DACH2: variants seen among roughly 807,000 people sequenced by gnomAD.
DACH2 encodes dachshund family transcription factor 2, also known as dachshund homolog 2.
A neutral mutation model predicts 35.8 loss-of-function variants in DACH2; 17 were observed. The ratio of observed to expected loss-of-function variants is 0.48; its 90% confidence interval spans 0.33 to 0.71. The LOEUF is 0.71. DACH2 is among the 30% of genes least tolerant of loss of function. The pLI, the probability that DACH2 is intolerant of heterozygous loss-of-function variation, is 0.02. For missense variants in DACH2, 469 were observed against 472.7 expected, an observed-to-expected ratio of 0.99 and a Z score of 0.07; for synonymous variants, 195 against 177.3, an observed-to-expected ratio of 1.10 and a Z score of -0.79.
intron 2 of DACH2, among the ~76,000 whole-genome samples, chrX:86,386,730 T>G (rs1374190717): frequency 1.8e-5 from 2 of 111,393 alleles, no homozygotes; most frequent in Non-Finnish European, 3.8e-5. Flanking sequence ...CATTGTGGAT[T>G]TTTTCATACA....
chrX:86,316,873 A>G (rs1379774542), intron 1 of DACH2, among the ~76,000 whole-genome samples: 1 of 111,109 alleles, frequency 9.0e-6, no homozygotes, highest in East Asian at 2.8e-4. Flanking sequence ...TAATCCCAGC[A>G]CTTTGGGAGC....
At chrX:86,254,015 A>G (rs1287901412) in intron 1 of DACH2, among the ~76,000 whole-genome samples, 1 of 112,242 alleles carries the variant, frequency 8.9e-6, no homozygotes, top group Non-Finnish European at 1.9e-5. Context: ...AAAGTTTTCT[A>G]TGGATATTAT....
At chrX:86,806,137 G>A (rs1002030986) in intron 7 of DACH2, among the ~76,000 whole-genome samples, 1 of 111,118 alleles carries the variant, frequency 9.0e-6, no homozygotes, top group African/African-American at 3.3e-5. Context: ...TTGAGACTGG[G>A]TAACTTATAA....
At chrX:86,279,504 T>C (rs1199391677) in intron 1 of DACH2, among the ~76,000 whole-genome samples, 5 of 110,566 alleles carry the variant, frequency 4.5e-5, no homozygotes, top group Non-Finnish European at 7.6e-5. Context: ...GCAAAGGACG[T>C]CCACACAGAA....
intron 1 of DACH2, among the ~76,000 whole-genome samples, chrX:86,312,427 C>T (rs1461984169): frequency 9.0e-6 from 1 of 111,217 alleles, no homozygotes; most frequent in Non-Finnish European, 1.9e-5. Flanking sequence ...CAGGACATGT[C>T]TATGGGGTCA....
intron 4 of DACH2, among the ~76,000 whole-genome samples, chrX:86,693,897 G>A (rs1280286041): frequency 9.0e-6 from 1 of 111,580 alleles, no homozygotes; most frequent in East Asian, 2.8e-4. Context: ...GTAAAAATGG[G>A]TATCCATATG....
chrX:86,229,059 T>C (rs1243752610), intron 1 of DACH2, among the ~76,000 whole-genome samples: 1 of 111,194 alleles, frequency 9.0e-6, no homozygotes, highest in East Asian at 2.8e-4. Context: ...GTCTAGAGGG[T>C]TTTTTTCTGA....
intron 3 of DACH2, among the ~76,000 whole-genome samples, chrX:86,562,180 T>C: frequency 9.0e-6 from 1 of 110,964 alleles, no homozygotes; most frequent in Non-Finnish European, 1.9e-5. Context: ...ATAGTAACTA[T>C]TGTACTGTGG....
intron 1 of DACH2, among the ~76,000 whole-genome samples, chrX:86,320,588 G>T (rs1014713456): frequency 2.2e-4 from 25 of 112,037 alleles, no homozygotes; most frequent in African/African-American, 8.1e-4. Context: ...TATTGTGTGG[G>T]GTGTAAACAG....
intron 2 of DACH2, among the ~76,000 whole-genome samples, chrX:86,405,661 C>T (rs767330137): frequency 9.0e-6 from 1 of 111,577 alleles, no homozygotes; most frequent in African/African-American, 3.3e-5. Context: ...AAAACTGTTC[C>T]AACCTCTGCC....
intron 7 of DACH2, among the ~76,000 whole-genome samples, chrX:86,756,564 A>G (rs891687326): frequency 1.8e-5 from 2 of 109,029 alleles, no homozygotes; most frequent in Non-Finnish European, 3.8e-5. Context: ...TAGAAATGCT[A>G]CTTATTTTTG....
intron 1 of DACH2, among the ~76,000 whole-genome samples, chrX:86,270,878 T>C (rs1266753953): frequency 9.0e-6 from 1 of 111,139 alleles, no homozygotes; most frequent in Non-Finnish European, 1.9e-5. Context: ...TACTTGTGGG[T>C]CCCCAATAGA....
chrX:86,172,062 C>G (rs1424966104), intron 1 of DACH2, among the ~76,000 whole-genome samples: 1 of 111,900 alleles, frequency 8.9e-6, no homozygotes, highest in Non-Finnish European at 1.9e-5. Flanking sequence ...AATTTGAATT[C>G]AAGAACACCA....
intron 2 of DACH2, among the ~76,000 whole-genome samples, chrX:86,454,132 C>T (rs889769984): frequency 1.3e-4 from 15 of 111,187 alleles, no homozygotes; most frequent in East Asian, 2.8e-4. Flanking sequence ...GTAGGATATC[C>T]GCTGAGAGGT....
intron 3 of DACH2, among the ~76,000 whole-genome samples, chrX:86,517,036 T>C (rs755072043): frequency 8.9e-6 from 1 of 111,877 alleles, no homozygotes; most frequent in East Asian, 2.8e-4. Flanking sequence ...CATGTTTCTT[T>C]ATCATAGCAT....
chrX:86,711,675 T>C (rs1159023525), intron 5 of DACH2, among the ~76,000 whole-genome samples: 1 of 112,044 alleles, frequency 8.9e-6, no homozygotes, highest in African/African-American at 3.2e-5. Flanking sequence ...ATGCTTTGCA[T>C]GGAGAACTCA....
chrX:86,401,605 C>T (rs1379196610), intron 2 of DACH2, among the ~76,000 whole-genome samples: 1 of 108,191 alleles, frequency 9.2e-6, no homozygotes, highest in African/African-American at 3.4e-5. Flanking sequence ...CATAAATAGG[C>T]AAAAGTGGCA....
intron 4 of DACH2, among the ~76,000 whole-genome samples, chrX:86,667,499 GAGAAAGAAAGAAAGAAAGAAAGAAAGAA>G (rs199901080): frequency 2.4e-5 from 1 of 42,244 alleles, no homozygotes; most frequent in African/African-American, 9.4e-5. Context: ...AAGAAAGAAA[GAGAAAGAAAGAAAGAAAGAAAGAAAGAA>G]AGAAAGAAAG....
intron 2 of DACH2, among the ~76,000 whole-genome samples, chrX:86,418,287 T>C (rs1380889006): frequency 9.0e-6 from 1 of 111,673 alleles, no homozygotes; most frequent in Non-Finnish European, 1.9e-5. Flanking sequence ...CTCCACTAGG[T>C]GGTGCCCCAG....
Sources: allele counts gnomAD v4.1 joint callset (sites outside exome capture counted in the v4.1 genomes callset), GRCh38; gene constraint gnomAD v4.1.1; transcripts MANE v1.5; gene names NCBI Gene and HGNC (gene_info 2026-07-23, HGNC 2026-07-21).